COL4A5: variants seen among roughly 807,000 people sequenced by gnomAD.
COL4A5 encodes collagen type IV alpha 5 chain.
COL4A5 carries 26 observed loss-of-function variants against 130.2 expected under a neutral mutation model. The observed-to-expected ratio is 0.20, with a 90% CI of 0.15 to 0.28. COL4A5 has a LOEUF of 0.28. Among genes scored for constraint, COL4A5 ranks in the 10% least tolerant of loss-of-function variants. The pLI is 1.00. For synonymous variants in COL4A5, 496 were observed against 439.6 expected (o/e 1.13, Z -1.60); for missense variants, 1,131 against 1,344.3 (o/e 0.84, Z 2.48).
chrX:108,591,746 T>C lies in COL4A5; in HGVS notation c.1423+102T>C, dbSNP rs769020177. 60 of 639,743 alleles carry C rather than the reference T, an allele frequency of 9.4e-5. No individual in the cohort carries two copies. The Middle Eastern group carries it at 1.1e-3, about 12-fold the overall frequency. 52.7% of individuals were successfully genotyped at this position (639,743 alleles called of 1,213,427 possible). A position where few individuals can be genotyped will look rare whatever the true frequency, so the allele number is the denominator to read the frequency against. On this transcript the variant is annotated intron_variant, in intron 21 of 52. Transcript: ENST00000328300. ...ATCACACCTTAGCCACTGACTCCCA[T>C]GGTCATACCCCAAGACCATCTCATT... is the stretch of plus-strand genomic sequence containing the variant.
intron 2 of COL4A5, among the ~76,000 whole-genome samples, chrX:108,544,163 G>C (rs938076779): frequency 2.7e-5 from 3 of 111,906 alleles, no homozygotes; most frequent in African/African-American, 9.8e-5. Flanking sequence ...GGAGTGGTGA[G>C]AGAGGGCATC....
intron 1 of COL4A5, among the ~76,000 whole-genome samples, chrX:108,469,722 CA>C (rs2064744950): frequency 9.0e-6 from 1 of 111,643 alleles, no homozygotes; most frequent in African/African-American, 3.3e-5. Context: ...GGCACATGTG[CA>C]GGTTTGTTAC....
intron 40 of COL4A5, 93 bp from the exon 41 acceptor site, chrX:108,668,226 C>A: frequency 1.2e-6 from 1 of 854,213 alleles, no homozygotes; most frequent in Non-Finnish European, 1.7e-6. Flanking sequence ...TTGTGAATTC[C>A]ATTAATTGCC....
At chrX:108,616,889 A>G (rs1278136134) in intron 30 of COL4A5, among the ~76,000 whole-genome samples, 1 of 109,595 alleles carries the variant, frequency 9.1e-6, no homozygotes, top group Non-Finnish European at 1.9e-5. Context: ...AGATATAGAG[A>G]TATTGATTTA....
chrX:108,504,755 A>T (rs1326880262), intron 1 of COL4A5, among the ~76,000 whole-genome samples: 1 of 112,175 alleles, frequency 8.9e-6, no homozygotes, highest in Admixed American at 9.4e-5. Context: ...GTTGGCATGG[A>T]TGTAGTGAAA....
intron 26 of COL4A5, 47 bp from the exon 27 acceptor site, chrX:108,601,838 T>C (rs1333297006): frequency 1.2e-6 from 1 of 805,908 alleles, no homozygotes; most frequent in East Asian, 3.5e-5. Context: ...CCCTGATGGC[T>C]TCTTTCTTTG....
chrX:108,650,021 G>A (rs1027672648), intron 36 of COL4A5, among the ~76,000 whole-genome samples: 5 of 110,207 alleles, frequency 4.5e-5, no homozygotes, highest in Non-Finnish European at 1.9e-5. Context: ...GACGAAGGAC[G>A]AATATCCAGA....
Position 108,591,489 on chromosome X carries a change from G to A in COL4A5, c.1340-72G>A, listed in dbSNP as rs919369213. ...CAGAGAATAGGTCTTTTTCTGGCTT[G>A]TCAGGCTTTCTTTTGTTTAATCTTC... On this transcript the variant is annotated intron_variant, in intron 20 of 52. Coordinates refer to ENST00000328300, the MANE Select transcript of COL4A5 (RefSeq NM_033380.3). The A allele has an allele frequency of 3.3e-6, 3 of 907,687 alleles. No homozygotes were observed. The African/African-American group carries it at 5.9e-5, about 18-fold the overall frequency. 74.8% of individuals were successfully genotyped at this position (907,687 alleles called of 1,213,427 possible). A position where few individuals can be genotyped will look rare whatever the true frequency, so the allele number is the denominator to read the frequency against.
At chrX:108,517,452 T>C (rs1175152655) in intron 1 of COL4A5, among the ~76,000 whole-genome samples, 1 of 111,881 alleles carries the variant, frequency 8.9e-6, no homozygotes, top group African/African-American at 3.2e-5. Context: ...TCATTTGAGT[T>C]TGCATCATTG....
At chrX:108,548,457 C>T (rs982594634) in intron 2 of COL4A5, among the ~76,000 whole-genome samples, 6 of 110,617 alleles carry the variant, frequency 5.4e-5, no homozygotes, top group African/African-American at 2.0e-4. Flanking sequence ...GAATAGGACC[C>T]CAGTGACCTC....
chrX:108,545,972 T>G (rs1017865153), intron 2 of COL4A5, among the ~76,000 whole-genome samples: 3 of 111,728 alleles, frequency 2.7e-5, no homozygotes, highest in Non-Finnish European at 5.6e-5. Flanking sequence ...AAGATCTTCC[T>G]CCATCCCATT....
intron 16 of COL4A5, among the ~76,000 whole-genome samples, chrX:108,582,298 A>G (rs1444145061): frequency 9.0e-6 from 1 of 111,200 alleles, no homozygotes; most frequent in Non-Finnish European, 1.9e-5. Flanking sequence ...ATATTCAACA[A>G]TTGCCTCTTA....
chrX:108,564,690 C>T (rs1266681857), intron 4 of COL4A5, among the ~76,000 whole-genome samples: 5 of 111,721 alleles, frequency 4.5e-5, no homozygotes, highest in African/African-American at 1.6e-4. Flanking sequence ...TCCAAGGTCC[C>T]TTTTAGCTCT....
intron 1 of COL4A5, among the ~76,000 whole-genome samples, chrX:108,530,474 T>C (rs1417201397): frequency 1.3e-4 from 14 of 107,161 alleles, no homozygotes; most frequent in Non-Finnish European, 2.7e-4. Flanking sequence ...AGGGCTAATA[T>C]ACAGAATCTA....
chrX:108,468,602 T>C (rs1360726616), intron 1 of COL4A5, among the ~76,000 whole-genome samples: 1 of 109,741 alleles, frequency 9.1e-6, no homozygotes, highest in Non-Finnish European at 1.9e-5. Context: ...TTTTTTTTTT[T>C]ATCATTGAGA....
At chrX:108,462,189 T>A (rs1487843417) in intron 1 of COL4A5, among the ~76,000 whole-genome samples, 2 of 111,000 alleles carry the variant, frequency 1.8e-5, no homozygotes, top group African/African-American at 6.6e-5. Flanking sequence ...AGATTTAGAG[T>A]AAGATACATA....
intron 2 of COL4A5, among the ~76,000 whole-genome samples, chrX:108,553,575 A>G (rs1267097478): frequency 8.9e-6 from 1 of 112,036 alleles, no homozygotes; most frequent in Non-Finnish European, 1.9e-5. Context: ...AATATCTAAT[A>G]AAAACTTTTA....
At chrX:108,614,886 T>C in intron 29 of COL4A5, 25 bp from the exon 30 acceptor site, 1 of 1,076,127 alleles carries the variant, frequency 9.3e-7, no homozygotes, top group South Asian at 1.9e-5. Context: ...GCTTTTAATA[T>C]TTAAACTGTA....
intron 36 of COL4A5, among the ~76,000 whole-genome samples, chrX:108,636,734 A>G (rs2067361227): frequency 9.0e-6 from 1 of 111,211 alleles, no homozygotes; most frequent in African/African-American, 3.3e-5. Flanking sequence ...CAGAATAGAC[A>G]ATATATTAGA....
Sources: gnomAD v4.1 joint callset for allele counts (sites outside exome capture counted in the v4.1 genomes callset) on GRCh38, gnomAD v4.1.1 for gene constraint, MANE v1.5 for transcripts, NCBI Gene and HGNC (gene_info 2026-07-23, HGNC 2026-07-21) for gene names.